Variants in PELP1 observed in about 807,000 individuals in gnomAD.
PELP1 encodes proline, glutamate and leucine rich protein 1, also known as proline-, glutamic acid- and leucine-rich protein 1.
In PELP1, 32 loss-of-function variants were observed where a neutral mutation model predicts 95.5. That is an observed-to-expected ratio of 0.34 (90% CI 0.25 to 0.45). The LOEUF is 0.45. PELP1 is among the 20% of genes least tolerant of loss of function. The pLI, the probability that PELP1 is intolerant of heterozygous loss-of-function variation, is 1.00. For synonymous variants in PELP1, 668 were observed against 600.1 expected (o/e 1.11, Z -1.65); for missense variants, 1,358 against 1,444.8 (o/e 0.94, Z 0.97).
chr17:4,675,901 C>A lies in PELP1; in HGVS notation c.981-17G>T, dbSNP rs757758426. On this transcript the variant is annotated splice_polypyrimidine_tract_variant and intron_variant, in intron 8 of 16. Coordinates refer to ENST00000572293, the MANE Select transcript of PELP1 (RefSeq NM_014389.3). This position sits in a 1 kb window ranked among gnomAD's most constrained non-coding sequence, Gnocchi z 4.3. ...AACTCAGAGCTAAAGAGAATCAGAGCAGGGAGACCTTCAGAGCAGGCTCCC... is the reference window on the plus strand; with the variant it reads ...AACTCAGAGCTAAAGAGAATCAGAGAAGGGAGACCTTCAGAGCAGGCTCCC... The A allele has an allele frequency of 5.1e-5, 81 of 1,585,162 alleles. No homozygotes were observed. Among genetic ancestry groups the A allele is most frequent in the Non-Finnish European group, 6.4e-5 (75 of 1,164,484 alleles).
chr17:4,692,049 C>A (rs973318339), intron 1 of PELP1, among the ~76,000 whole-genome samples: 1 of 152,138 alleles, frequency 6.6e-6, no homozygotes, highest in African/African-American at 2.4e-5. Context: ...TCCCTAACGG[C>A]GTGCATCGTT....
At chr17:4,703,050 G>C (rs1262260045) in intron 1 of PELP1, among the ~76,000 whole-genome samples, 1 of 152,156 alleles carries the variant, frequency 6.6e-6, no homozygotes, top group African/African-American at 2.4e-5. Context: ...TTACTTGAGT[G>C]TCTAGCTTGC....
At chr17:4,697,552 G>C (rs1913344012) in intron 1 of PELP1, among the ~76,000 whole-genome samples, 1 of 152,102 alleles carries the variant, frequency 6.6e-6, no homozygotes, top group Admixed American at 6.6e-5. Flanking sequence ...ACAGGGGAGA[G>C]ATATCCCAGA....
At chr17:4,701,696 C>G (rs1913544804) in intron 1 of PELP1, among the ~76,000 whole-genome samples, 1 of 152,194 alleles carries the variant, frequency 6.6e-6, no homozygotes, top group Admixed American at 6.5e-5. Flanking sequence ...ACTTTCATTT[C>G]TCATCTTAAC....
intron 3 of PELP1, among the ~76,000 whole-genome samples, chr17:4,686,093 C>G (rs1236624940): frequency 1.3e-5 from 2 of 151,850 alleles, no homozygotes; most frequent in Non-Finnish European, 1.5e-5. Flanking sequence ...CGAGACTCCA[C>G]CTCAAAAAAA....
chr17:4,698,167 G>A (rs899400209), intron 1 of PELP1, among the ~76,000 whole-genome samples: 2 of 151,902 alleles, frequency 1.3e-5, no homozygotes, highest in Admixed American at 1.3e-4. Flanking sequence ...GACGACTTCT[G>A]CAGTATTCTT....
chr17:4,674,431 G>C (rs1469532183), intron 13 of PELP1, 79 bp downstream of exon 13: 11 of 1,331,712 alleles, frequency 8.3e-6, no homozygotes, highest in Non-Finnish European at 1.1e-5. Flanking sequence ...TAAGGGTATA[G>C]TAGGTAGGGG....
chr17:4,699,468 T>C (rs1005354572), intron 1 of PELP1, among the ~76,000 whole-genome samples: 22 of 152,178 alleles, frequency 1.4e-4, no homozygotes, highest in African/African-American at 5.3e-4. Context: ...AAATTTTCAG[T>C]TATTTCAAAG....
chr17:4,680,582 A>G (rs1270603969), intron 5 of PELP1, among the ~76,000 whole-genome samples: 1 of 152,062 alleles, frequency 6.6e-6, no homozygotes, highest in African/African-American at 2.4e-5. Context: ...CCAGCCTCAT[A>G]ATCTCACTTT....
chr17:4,679,368 G>A (rs926491630), intron 5 of PELP1, among the ~76,000 whole-genome samples: 14 of 152,158 alleles, frequency 9.2e-5, no homozygotes, highest in African/African-American at 2.7e-4. Flanking sequence ...AAGTTCAACT[G>A]TCTGACAAAA....
chr17:4,700,593 G>T (rs112657803), intron 1 of PELP1, among the ~76,000 whole-genome samples: 7 of 152,110 alleles, frequency 4.6e-5, no homozygotes, highest in South Asian at 2.1e-4. Flanking sequence ...TCCTTCAAAA[G>T]AATATACAGG....
chr17:4,693,459 T>C (rs1913185566), intron 1 of PELP1, among the ~76,000 whole-genome samples: 1 of 152,234 alleles, frequency 6.6e-6, no homozygotes, highest in Non-Finnish European at 1.5e-5. Context: ...AAAGATTTTA[T>C]CAGTTAGGCA....
In PELP1 at chr17:4,672,041, G is replaced by A; in HGVS notation, c.2950C>T (p.Pro984Ser). ...EGAPPPPTLPPALPPPESPPK... is the reference protein window; with the variant it reads ...EGAPPPPTLPSALPPPESPPK... ...GGAGACTCAGGGGGAGGCAGAGCTG[G>A]AGGCAGGGTTGGGGGTGGAGGTGCA... is the stretch of plus-strand genomic sequence containing the variant. Residue 984 changes from proline to serine, a missense_variant, in exon 16 of 17, where the codon CCA becomes TCA. Pro to Ser is a moderately conservative substitution (Grantham distance 74). Around this residue, in one of 7 missense-constraint regions of PELP1, gnomAD observed 283 missense variants for 284.1 expected, o/e 1.00. Transcript: ENST00000572293. The A allele has an allele frequency of 6.4e-7, 1 of 1,572,114 alleles. No homozygotes were observed. Among genetic ancestry groups the A allele is most frequent in the Non-Finnish European group, 8.6e-7 (1 of 1,159,648 alleles).
chr17:4,675,488 C>A lies in PELP1; in HGVS notation c.1069-126G>T, dbSNP rs1353683173. ...AGAAACCCAACCCCTGATCTCAGCT[C>A]TCCCAACAAAATCAAACCCCTATCC... On this transcript the variant is annotated intron_variant, in intron 9 of 16. Transcript: ENST00000572293. This position sits in a 1 kb window ranked among gnomAD's most constrained non-coding sequence, Gnocchi z 4.3. 3 of 737,926 alleles carry A rather than the reference C, an allele frequency of 4.1e-6. No homozygotes were observed. The highest frequency in any genetic ancestry group is 7.2e-6 in the Non-Finnish European group (3 of 416,560). 45.7% of individuals were successfully genotyped at this position (737,926 alleles called of 1,614,324 possible).
chr17:4,676,933 A>C (rs1912505417), intron 5 of PELP1, 121 bp from the exon 6 acceptor site: 4 of 710,192 alleles, frequency 5.6e-6, no homozygotes, highest in Middle Eastern at 2.5e-4. Context: ...TAGACACAAG[A>C]AGCAAAGCCC....
At position 4,671,833 on chromosome 17, in the gene PELP1, A is replaced by G. The variant is rs1398875414; in HGVS notation, c.3158T>C (p.Leu1053Pro). The change falls in exon 16 of 17, where the codon CTT becomes CCT. Residue 1053 changes from leucine (L) to proline (P), a missense_variant. By Grantham distance (98) the Leu-to-Pro change is moderately conservative (BLOSUM62 -3). Around this residue, in one of 7 missense-constraint regions of PELP1, gnomAD observed 283 missense variants for 284.1 expected, o/e 1.00. Coordinates refer to ENST00000572293, the MANE Select transcript of PELP1 (RefSeq NM_014389.3). ...GGGAGCAGAGGGCTCTTCTTCAACA[A>G]GCTCCTGGGGAGGGGGCCCTGCCGC... ...SPAAGPPPQELVEEEPSAPPT... is the reference protein window; with the variant it reads ...SPAAGPPPQEPVEEEPSAPPT... 6.0e-6 allele frequency: 9 copies of G among 1,510,458 alleles called. No homozygotes were observed. The highest frequency in any genetic ancestry group is 7.1e-6 in the Non-Finnish European group (8 of 1,133,736). 93.6% of individuals were successfully genotyped at this position (1,510,458 alleles called of 1,614,324 possible).
intron 1 of PELP1, among the ~76,000 whole-genome samples, chr17:4,694,156 T>C (rs761989714): frequency 5.9e-5 from 9 of 152,098 alleles, no homozygotes; most frequent in Non-Finnish European, 1.2e-4. Context: ...ATGGCCAGAA[T>C]AGGCAAATCT....
At chr17:4,679,331 G>A (rs1055153318) in intron 5 of PELP1, among the ~76,000 whole-genome samples, 10 of 152,132 alleles carry the variant, frequency 6.6e-5, no homozygotes, top group African/African-American at 2.4e-4. Flanking sequence ...TTGTTAGTTT[G>A]GAAAGGGTAC....
chr17:4,694,662 A>G (rs1335483579), intron 1 of PELP1, among the ~76,000 whole-genome samples: 1 of 150,422 alleles, frequency 6.6e-6, no homozygotes, highest in Non-Finnish European at 1.5e-5. Flanking sequence ...TCCACCTCAA[A>G]AAAAATAAAA....
Sources: gnomAD v4.1 joint callset for allele counts (sites outside exome capture counted in the v4.1 genomes callset) on GRCh38, gnomAD v4.1.1 for gene constraint, gnomAD v4.1.1 regional missense constraint, Gnocchi (gnomAD v3.1) non-coding constraint, MANE v1.5 for transcripts, NCBI Gene and HGNC (gene_info 2026-07-23, HGNC 2026-07-21) for gene names.